Variants in EYA2 observed in about 807,000 individuals in gnomAD.
EYA2 encodes the protein protein phosphatase EYA2.
EYA2 carries 31 observed loss-of-function variants against 69.2 expected under a neutral mutation model. The ratio of observed to expected loss-of-function variants is 0.45; its 90% CI spans 0.34 to 0.60. The LOEUF is 0.60. Among genes scored for constraint, EYA2 ranks in the 20% least tolerant of loss-of-function variants. The pLI, the probability that EYA2 is intolerant of heterozygous loss-of-function variation, is 0.02. For missense variants in EYA2, 622 were observed against 701.2 expected (o/e 0.89, Z 1.28); for synonymous variants, 257 against 279.4 (o/e 0.92, Z 0.80).
intron 9 of EYA2, among the ~76,000 whole-genome samples, chr20:47,137,495 C>G (rs537325918): frequency 1.3e-5 from 2 of 152,156 alleles, no homozygotes; most frequent in South Asian, 2.1e-4. Flanking sequence ...GTCAGTGGCC[C>G]GAAAGAGCAT....
intron 1 of EYA2, among the ~76,000 whole-genome samples, chr20:46,946,640 C>G (rs374810731): frequency 6.6e-6 from 1 of 152,074 alleles, no homozygotes; most frequent in African/African-American, 2.4e-5. Flanking sequence ...CTTTGGGGGC[C>G]TCTGCTGTAA....
At chr20:47,052,533 G>A (rs1455602506) in intron 5 of EYA2, among the ~76,000 whole-genome samples, 3 of 152,242 alleles carry the variant, frequency 2.0e-5, no homozygotes, top group Non-Finnish European at 4.4e-5. Context: ...GGGCTTGAGA[G>A]TGCCAGTCCT....
In EYA2 at chr20:47,080,067, G is replaced by T. The variant is rs142552308; in HGVS notation, c.661+5732G>T. 8.3e-3 allele frequency among the ~76,000 whole-genome samples: 1,258 copies of T among 152,230 alleles called. 20 individuals are homozygous for T. The highest frequency in any genetic ancestry group is 0.029 in the African/African-American group (1,200 of 41,528). On this transcript the variant is annotated intron_variant, in intron 7 of 15. Coordinates refer to ENST00000327619, the MANE Select transcript of EYA2 (RefSeq NM_005244.5). ...CAAGTGCACATGGGACATTTACCAA[G>T]ATAAATATTAATATCTTCTGGGCCA...
chr20:47,007,870 C>T (rs865962943), intron 4 of EYA2, among the ~76,000 whole-genome samples: 2 of 152,054 alleles, frequency 1.3e-5, no homozygotes, highest in Non-Finnish European at 2.9e-5. Flanking sequence ...TCAAGCAATC[C>T]TCCTATCTCT....
chr20:47,096,275 T>C (rs2032244358), intron 8 of EYA2, among the ~76,000 whole-genome samples: 1 of 152,176 alleles, frequency 6.6e-6, no homozygotes, highest in Non-Finnish European at 1.5e-5. Flanking sequence ...TAGTGAACAA[T>C]AATCACAAAA....
intron 2 of EYA2, among the ~76,000 whole-genome samples, chr20:46,993,200 A>G (rs1981793972): frequency 6.6e-6 from 1 of 152,192 alleles, no homozygotes; most frequent in African/African-American, 2.4e-5. Context: ...CACAGACTCA[A>G]TGTGAGGATG....
chr20:46,954,653 T>C (rs1378889257), intron 1 of EYA2, among the ~76,000 whole-genome samples: 1 of 152,248 alleles, frequency 6.6e-6, no homozygotes, highest in Non-Finnish European at 1.5e-5. Flanking sequence ...TGCTCCTTCC[T>C]TTCAGCCGAG....
At chr20:46,912,637 A>T (rs150229840) in intron 1 of EYA2, among the ~76,000 whole-genome samples, 2,878 of 151,842 alleles carry the variant, frequency 0.019, 45 homozygotes, top group African/African-American at 0.041. Flanking sequence ...AGTAGAGGGG[A>T]GGGAGGTTGA....
intron 4 of EYA2, 136 bp downstream of exon 4, chr20:47,005,220 G>A (rs909739056): frequency 1.0e-6 from 1 of 980,334 alleles, no homozygotes; most frequent in Admixed American, 2.7e-5. Flanking sequence ...AGGGAAAAGA[G>A]TAACACTTTA....
chr20:47,078,325 G>GCACA (rs1358060493), intron 7 of EYA2, among the ~76,000 whole-genome samples: 2 of 105,378 alleles, frequency 1.9e-5, no homozygotes, highest in African/African-American at 8.7e-5. Flanking sequence ...ACGTGCGCGC[G>GCACA]CGCGCGCACA....
intron 9 of EYA2, among the ~76,000 whole-genome samples, chr20:47,105,048 C>T (rs374856322): frequency 2.0e-5 from 3 of 152,104 alleles, no homozygotes; most frequent in East Asian, 3.9e-4. Context: ...ATCAATTGGC[C>T]GTAAATATGT....
intron 10 of EYA2, among the ~76,000 whole-genome samples, chr20:47,165,330 A>T (rs6066219): frequency 0.32 from 48,277 of 152,088 alleles, 8,347 homozygotes; most frequent in Non-Finnish European, 0.4. Flanking sequence ...AGGAAATTCG[A>T]AATACTGAGC....
chr20:47,034,037 G>A (rs867508199), intron 5 of EYA2, among the ~76,000 whole-genome samples: 1 of 152,156 alleles, frequency 6.6e-6, no homozygotes, highest in Admixed American at 6.5e-5. Context: ...GATAAAGGGA[G>A]GAAGGAAGTC....
intron 2 of EYA2, among the ~76,000 whole-genome samples, chr20:46,991,066 G>A (rs1981626262): frequency 6.6e-6 from 1 of 152,242 alleles, no homozygotes; most frequent in African/African-American, 2.4e-5. Flanking sequence ...GCCAAAACTG[G>A]ATGGTGAAGA....
intron 8 of EYA2, among the ~76,000 whole-genome samples, chr20:47,090,527 G>A (rs912923816): frequency 3.3e-5 from 5 of 151,190 alleles, no homozygotes; most frequent in Admixed American, 6.6e-5. Flanking sequence ...GGCGTGAGCC[G>A]CCATGCCCGG....
At chr20:47,121,734 C>T (rs976866029) in intron 9 of EYA2, among the ~76,000 whole-genome samples, 5 of 152,158 alleles carry the variant, frequency 3.3e-5, no homozygotes, top group Admixed American at 6.5e-5. Flanking sequence ...GTCTTCAACA[C>T]GAACCTGCAA....
intron 5 of EYA2, among the ~76,000 whole-genome samples, chr20:47,032,455 C>G (rs73909610): frequency 0.023 from 3,560 of 152,248 alleles, 108 homozygotes; most frequent in African/African-American, 0.071. Flanking sequence ...CCAGAACATT[C>G]TCTATGTATG....
chr20:47,065,083 T>C (rs1379594960), intron 5 of EYA2, among the ~76,000 whole-genome samples: 6 of 152,094 alleles, frequency 3.9e-5, no homozygotes, highest in African/African-American at 1.4e-4. Context: ...AACCATCAGA[T>C]CTCATGAGAC....
intron 10 of EYA2, among the ~76,000 whole-genome samples, chr20:47,163,558 C>G (rs1439876778): frequency 6.6e-6 from 1 of 151,674 alleles, no homozygotes; most frequent in Non-Finnish European, 1.5e-5. Flanking sequence ...ATTAGCTGGG[C>G]GTGGTGGTGC....
Sources: allele counts gnomAD v4.1 joint callset (sites outside exome capture counted in the v4.1 genomes callset), GRCh38; gene constraint gnomAD v4.1.1; transcripts MANE v1.5; gene names NCBI Gene and HGNC (gene_info 2026-07-23, HGNC 2026-07-21).